The following DYSF variants were observed in gnomAD, a reference collection of about 807,000 sequenced individuals.
DYSF encodes dysferlin.
In DYSF, 212 loss-of-function variants were observed where a neutral mutation model predicts 274.9. The observed-to-expected ratio is 0.77, with a 90% CI of 0.69 to 0.86. The LOEUF (loss-of-function observed/expected upper bound fraction) is 0.86. Among genes scored for constraint, DYSF ranks in the 40% least tolerant of loss-of-function variants. DYSF has a pLI of 0.00. For synonymous variants in DYSF, 1,091 were observed against 1,078.7 expected (o/e 1.01, Z -0.22); for missense variants, 2,666 against 2,783.2 (o/e 0.96, Z 0.95).
rs564215357 is a variant in DYSF, at chr2:71,497,463, T to G, written c.240-5751T>G. 2.0e-5 allele frequency among the ~76,000 whole-genome samples: 3 copies of G among 152,344 alleles called. No homozygotes were observed. In the East Asian group the frequency reaches 5.8e-4, roughly 29 times the overall value. On this transcript the variant is annotated intron_variant, in intron 3 of 55. Transcript: ENST00000410020. The stretch of plus-strand genomic sequence containing the variant: ...TTATAAAGTGGTTCCCACACTTCAC[T>G]CTGTACTTCTTGCTGCTGCCATGTA...
chr2:71,618,661 GGT>G (rs1291356677), intron 40 of DYSF, among the ~76,000 whole-genome samples: 2 of 113,548 alleles, frequency 1.8e-5, no homozygotes, highest in East Asian at 2.7e-4. Flanking sequence ...TGGCAGAGGA[GGT>G]GTGTGTGTGG....
intron 2 of DYSF, among the ~76,000 whole-genome samples, chr2:71,481,310 C>T (rs2082871739): frequency 6.6e-6 from 1 of 152,268 alleles, no homozygotes; most frequent in Non-Finnish European, 1.5e-5. Flanking sequence ...AGGTCCTCCT[C>T]TGGCTCCTGC....
chr2:71,625,302 G>T lies in DYSF; in HGVS notation c.4527+4693G>T, dbSNP rs530287634. 3.9e-5 allele frequency among the ~76,000 whole-genome samples: 6 copies of T among 152,180 alleles called. No homozygotes were observed. In the East Asian group the frequency reaches 9.6e-4, roughly 24 times the overall value. ...GTCTATATTTTCTTCTAAAAATTCTGAAGTTTTGCTTTTCACACTTCAGTA... is the reference window on the plus strand; with the variant it reads ...GTCTATATTTTCTTCTAAAAATTCTTAAGTTTTGCTTTTCACACTTCAGTA... On this transcript the variant is annotated intron_variant, in intron 41 of 55. Coordinates refer to ENST00000410020, the MANE Select transcript of DYSF (RefSeq NM_001130987.2).
At chr2:71,658,770 T>C (rs2094824345) in intron 43 of DYSF, 108 bp from the exon 44 acceptor site, 1 of 1,397,602 alleles carries the variant, frequency 7.2e-7, no homozygotes, top group Admixed American at 1.8e-5. Context: ...TCCCACAACA[T>C]GTGGGAATTC....
intron 23 of DYSF, among the ~76,000 whole-genome samples, chr2:71,563,077 G>GC (rs895329088): frequency 6.6e-6 from 1 of 152,188 alleles, no homozygotes; most frequent in African/African-American, 2.4e-5. Flanking sequence ...TCGAGTTCCT[G>GC]CCCCCCTGGA....
At chr2:71,557,138 C>T (rs771477115) in intron 22 of DYSF, among the ~76,000 whole-genome samples, 1 of 152,188 alleles carries the variant, frequency 6.6e-6, no homozygotes, top group Non-Finnish European at 1.5e-5. Flanking sequence ...AGCATACTGA[C>T]AAAGGTACAA....
chr2:71,539,061 C>A, intron 16 of DYSF, 96 bp from the exon 17 acceptor site: 1 of 1,074,500 alleles, frequency 9.3e-7, no homozygotes. Context: ...CCCCCCGCCC[C>A]CCTGTGATGT....
chr2:71,535,775 G>A (rs563168723), intron 16 of DYSF, among the ~76,000 whole-genome samples: 1 of 152,282 alleles, frequency 6.6e-6, no homozygotes, highest in South Asian at 2.1e-4. Context: ...GATTGCCTGA[G>A]CAGGGGACAC....
chr2:71,567,874 T>C, intron 24 of DYSF, 77 bp from the exon 25 acceptor site: 2 of 1,582,790 alleles, frequency 1.3e-6, no homozygotes, highest in Non-Finnish European at 1.7e-6. Context: ...CTTGGAGGAC[T>C]CCTCCTCCCC....
chr2:71,586,411 C>G (rs1217132414), intron 30 of DYSF, among the ~76,000 whole-genome samples: 6 of 152,008 alleles, frequency 3.9e-5, no homozygotes, highest in Admixed American at 6.5e-5. Flanking sequence ...GGGCAGCAGG[C>G]CCCTGGACCA....
At chr2:71,533,047 T>A (rs1559095824) in intron 14 of DYSF, among the ~76,000 whole-genome samples, 1 of 152,160 alleles carries the variant, frequency 6.6e-6, no homozygotes, top group African/African-American at 2.4e-5. Flanking sequence ...TGAGATGGAG[T>A]CTCACTCAGT....
chr2:71,505,171 A>G (rs2085360567), intron 4 of DYSF, among the ~76,000 whole-genome samples: 1 of 152,186 alleles, frequency 6.6e-6, no homozygotes. Context: ...ATGTGATGGC[A>G]TTAAGGTCAC....
intron 42 of DYSF, among the ~76,000 whole-genome samples, chr2:71,651,465 A>G (rs1459880274): frequency 6.6e-6 from 1 of 152,174 alleles, no homozygotes; most frequent in Non-Finnish European, 1.5e-5. Flanking sequence ...AGGAAAAGAG[A>G]AACAGAACTG....
Position 71,620,549 on chromosome 2 carries a change from T to C in DYSF, c.4467T>C (p.Leu1489=). ...TAACCAGCATGTTTCATTTGTAGCT[T>C]GCAGACGGTCTGTCGAGCTTGGCCC... ...DDKEPLIPIQ[L]ADGLSSLAPT... Residue 1489 remains leucine (L), a splice_region_variant and synonymous_variant, in exon 41 of 56, where the codon CTT becomes CTC. Transcript: ENST00000410020. The C allele has an allele frequency of 1.3e-6, 2 of 1,551,720 alleles. No individual in the cohort carries two copies. The highest frequency in any genetic ancestry group is 1.7e-6 in the Non-Finnish European group (2 of 1,147,006).
intron 17 of DYSF, among the ~76,000 whole-genome samples, 171 bp from the exon 18 acceptor site, chr2:71,550,870 C>T (rs371974687): frequency 2.6e-5 from 4 of 152,116 alleles, no homozygotes; most frequent in African/African-American, 9.7e-5. Context: ...TAGGGGAGGG[C>T]GTGAGAGCTA....
intron 45 of DYSF, 95 bp downstream of exon 45, chr2:71,660,746 A>G (rs2094864621): frequency 9.1e-7 from 1 of 1,093,870 alleles, no homozygotes; most frequent in South Asian, 1.3e-5. Context: ...TGAAGTCCGT[A>G]TCTCTTGGAG....
At chr2:71,626,403 G>C (rs1003803617) in intron 41 of DYSF, among the ~76,000 whole-genome samples, 1 of 149,714 alleles carries the variant, frequency 6.7e-6, no homozygotes, top group African/African-American at 2.4e-5. Flanking sequence ...TGTTAATGTA[G>C]TGAATTACAT....
intron 29 of DYSF, among the ~76,000 whole-genome samples, chr2:71,571,519 G>C (rs1224786557): frequency 1.0e-5 from 1 of 97,850 alleles, no homozygotes; most frequent in Non-Finnish European, 1.9e-5. Context: ...ACCACACACA[G>C]CTCACACCCA....
At chr2:71,613,031 G>T (rs1307523989) in intron 39 of DYSF, among the ~76,000 whole-genome samples, 2 of 152,166 alleles carry the variant, frequency 1.3e-5, no homozygotes, top group African/African-American at 2.4e-5. Context: ...GAGCTGAGGG[G>T]TGAGGGCTCA....
Sources: gnomAD v4.1 joint callset for allele counts (sites outside exome capture counted in the v4.1 genomes callset) on GRCh38, gnomAD v4.1.1 for gene constraint, MANE v1.5 for transcripts, NCBI Gene and HGNC (gene_info 2026-07-23, HGNC 2026-07-21) for gene names.